ARHGAP26: variants seen among roughly 807,000 people sequenced by gnomAD.
ARHGAP26 encodes the protein Rho GTPase activating protein 26, also known as rho GTPase-activating protein 26.
Under a neutral mutation model 104.8 loss-of-function variants are expected in ARHGAP26, and 38 were observed. The observed-to-expected ratio is 0.36, with a 90% CI of 0.28 to 0.48. The LOEUF is 0.48. Among genes scored for constraint, ARHGAP26 ranks in the 20% least tolerant of loss-of-function variants. ARHGAP26 has a pLI of 0.99. For missense variants in ARHGAP26, 704 were observed against 947.9 expected (o/e 0.74, Z 3.38); for synonymous variants, 341 against 340.0 (o/e 1.00, Z -0.03).
Position 143,080,620 on chromosome 5 carries a change from G to T in ARHGAP26, c.1538+22873G>T, listed in dbSNP as rs1194316442. 2.0e-5 allele frequency among the ~76,000 whole-genome samples: 3 copies of T among 152,362 alleles called. No individual in the cohort carries two copies. In the South Asian group the frequency reaches 6.2e-4, roughly 32 times the overall value. On this transcript the variant is annotated intron_variant, in intron 17 of 22. Coordinates refer to ENST00000645722, the MANE Select transcript of ARHGAP26 (RefSeq NM_001135608.3). ...TGCTTGGTGTGGAAACACCCTGGGC[G>T]TGGTCACGGAACAGTAAGATCTGTG...
chr5:142,977,294 C>A (rs1156350572), intron 11 of ARHGAP26, among the ~76,000 whole-genome samples: 6 of 152,136 alleles, frequency 3.9e-5, no homozygotes, highest in African/African-American at 1.4e-4. Context: ...ACCCGCGGTT[C>A]TTCCTTGAGA....
At chr5:142,816,898 C>T (rs1029228311) in intron 1 of ARHGAP26, among the ~76,000 whole-genome samples, 5 of 151,784 alleles carry the variant, frequency 3.3e-5, no homozygotes, top group Admixed American at 6.6e-5. Context: ...GCAGGAGCAG[C>T]GGGAGGGGGA....
At chr5:142,889,677 A>G (rs1041873894) in intron 5 of ARHGAP26, among the ~76,000 whole-genome samples, 6 of 152,106 alleles carry the variant, frequency 3.9e-5, no homozygotes, top group Non-Finnish European at 7.4e-5. Flanking sequence ...CTGGTAACCT[A>G]TTTAAAATAA....
At chr5:142,785,789 C>T (rs1288795456) in intron 1 of ARHGAP26, among the ~76,000 whole-genome samples, 1 of 152,104 alleles carries the variant, frequency 6.6e-6, no homozygotes, top group Non-Finnish European at 1.5e-5. Context: ...TAGGAAATTC[C>T]AGTCCAAATG....
intron 1 of ARHGAP26, chr5:142,860,619 A>G (rs961996712): frequency 6.6e-6 from 1 of 152,250 alleles, no homozygotes; most frequent in African/African-American, 2.4e-5. Flanking sequence ...ATAAGGAGAC[A>G]TGATTGAGAA....
chr5:142,884,169 C>T (rs1598074583), intron 4 of ARHGAP26, among the ~76,000 whole-genome samples: 1 of 152,200 alleles, frequency 6.6e-6, no homozygotes, highest in African/African-American at 2.4e-5. Context: ...TGCCTGCTCT[C>T]CCCGTTGGAA....
At chr5:143,222,246 T>C (rs1052433539) in intron 22 of ARHGAP26, 112 bp from the exon 23 acceptor site, 3 of 479,236 alleles carry the variant, frequency 6.3e-6, no homozygotes, top group Non-Finnish European at 1.1e-5. Context: ...GCTTCCTTCA[T>C]ACACACACAC....
At position 142,932,524 on chromosome 5, in the gene ARHGAP26, T is replaced by C. The variant is rs2278380; in HGVS notation, c.1107+399T>C. Among the ~76,000 whole-genome samples, 396 of 152,340 alleles carry C rather than the reference T, an allele frequency of 2.6e-3. 9 individuals carry two copies. In the East Asian group the frequency reaches 0.042, roughly 16 times the overall value. Reference sequence around the variant, plus strand: ...CGATGCTGGCCTCAGCTGGGTGATGTAATCTTGTAGTTGTTCTGCATCTTG... The same window carrying C: ...CGATGCTGGCCTCAGCTGGGTGATGCAATCTTGTAGTTGTTCTGCATCTTG... On this transcript the variant is annotated intron_variant, in intron 11 of 22. Transcript: ENST00000645722.
chr5:142,811,472 TGTCC>T (rs1184396665), intron 1 of ARHGAP26, among the ~76,000 whole-genome samples: 1 of 152,210 alleles, frequency 6.6e-6, no homozygotes, highest in East Asian at 1.9e-4. Flanking sequence ...AATCCTGGCC[TGTCC>T]GTCACGTGTA....
chr5:143,102,455 G>A (rs1793383596), intron 17 of ARHGAP26, among the ~76,000 whole-genome samples: 1 of 152,168 alleles, frequency 6.6e-6, no homozygotes, highest in African/African-American at 2.4e-5. Flanking sequence ...TCTTATCAGA[G>A]GCAATCTTTT....
At chr5:143,003,965 A>G (rs1380761419) in intron 11 of ARHGAP26, among the ~76,000 whole-genome samples, 1 of 150,692 alleles carries the variant, frequency 6.6e-6, no homozygotes, top group East Asian at 2.0e-4. Flanking sequence ...CAGAATCACC[A>G]CACATTCAGA....
intron 20 of ARHGAP26, among the ~76,000 whole-genome samples, chr5:143,186,261 C>G (rs3776232): frequency 0.19 from 28,661 of 152,186 alleles, 2,909 homozygotes; most frequent in African/African-American, 0.26. Flanking sequence ...AACGTTATGT[C>G]ATGCTGCTTT....
intron 11 of ARHGAP26, among the ~76,000 whole-genome samples, chr5:143,008,163 A>G (rs190111973): frequency 1.3e-5 from 2 of 152,374 alleles, no homozygotes; most frequent in East Asian, 3.9e-4. Context: ...TGAATATTGT[A>G]TATCTATGAT....
intron 17 of ARHGAP26, among the ~76,000 whole-genome samples, chr5:143,087,667 C>T (rs532454591): frequency 3.6e-3 from 34 of 9,546 alleles, no homozygotes; most frequent in African/African-American, 5.2e-3. Context: ...TTTTTTGAGA[C>T]GGAGTTTTGC....
intron 11 of ARHGAP26, among the ~76,000 whole-genome samples, chr5:142,982,039 T>C (rs1774017059): frequency 6.6e-6 from 1 of 152,264 alleles, no homozygotes; most frequent in African/African-American, 2.4e-5. Context: ...TGCTGCTGCA[T>C]GTAAGCTAGA....
In ARHGAP26 at chr5:143,224,625, G is replaced by A. The variant is rs1490589968; in HGVS notation, c.*2179G>A. 1 of 230,972 alleles carries A rather than the reference G, an allele frequency of 4.3e-6. No homozygotes were observed. Among genetic ancestry groups the A allele is most frequent in the African/African-American group, 2.2e-5 (1 of 45,332 alleles). 14.3% of individuals were successfully genotyped at this position (230,972 alleles called of 1,614,324 possible). On this transcript the variant is annotated 3_prime_UTR_variant, in exon 23 of 23. Transcript: ENST00000645722. ...ACTTCTTTTTCTCCACATCTTCTGA[G>A]GCTTTAGAAATGTGGACAAGCTAGT...
intron 11 of ARHGAP26, among the ~76,000 whole-genome samples, chr5:142,952,155 T>TA (rs1269088388): frequency 6.6e-6 from 1 of 152,214 alleles, no homozygotes; most frequent in Non-Finnish European, 1.5e-5. Context: ...TCCAGATCCT[T>TA]AATTACACTT....
intron 6 of ARHGAP26, among the ~76,000 whole-genome samples, chr5:142,900,492 T>C (rs1253312361): frequency 1.3e-5 from 2 of 152,102 alleles, no homozygotes; most frequent in Non-Finnish European, 1.5e-5. Context: ...CTGGGTTTTA[T>C]CTTCACAGGG....
intron 1 of ARHGAP26, among the ~76,000 whole-genome samples, chr5:142,819,669 G>A (rs1259298168): frequency 6.6e-6 from 1 of 152,134 alleles, no homozygotes; most frequent in Non-Finnish European, 1.5e-5. Context: ...GGTGTACAGT[G>A]ACACAATGTT....
Sources: gnomAD v4.1 joint callset for allele counts (sites outside exome capture counted in the v4.1 genomes callset) on GRCh38, gnomAD v4.1.1 for gene constraint, MANE v1.5 for transcripts, NCBI Gene and HGNC (gene_info 2026-07-23, HGNC 2026-07-21) for gene names.